CNTLN: variants seen among roughly 807,000 people sequenced by gnomAD.
CNTLN encodes the protein centlein, also known as centlein, centrosomal protein.
A neutral mutation model predicts 180.0 loss-of-function variants in CNTLN; 212 were observed. The ratio of observed to expected loss-of-function variants is 1.18; its 90% CI spans 1.05 to 1.32. The LOEUF is 1.32. Among genes scored for constraint, CNTLN ranks in the 40% most tolerant of loss-of-function variants. CNTLN has a pLI of 0.00. For missense variants in CNTLN, 2,095 were observed against 1,610.9 expected, an observed-to-expected ratio of 1.30 and a Z score of -5.14; for synonymous variants, 722 against 563.1, an observed-to-expected ratio of 1.28 and a Z score of -3.99.
At chr9:17,381,587 A>G (rs1279785152) in intron 13 of CNTLN, among the ~76,000 whole-genome samples, 1 of 152,230 alleles carries the variant, frequency 6.6e-6, no homozygotes, top group Non-Finnish European at 1.5e-5. Flanking sequence ...AATCAGTGCC[A>G]CATAATTTAG....
chr9:17,420,935 T>G lies in CNTLN; in HGVS notation c.3114+4746T>G, dbSNP rs559243571. On this transcript the variant is annotated intron_variant, in intron 18 of 25. Coordinates refer to ENST00000380647, the MANE Select transcript of CNTLN (RefSeq NM_017738.4). ...TGATCAGAGAAAATGCTTGATACAATTTCAACTTATTTGCAATTTTTAAGA... is the reference window on the plus strand; with the variant it reads ...TGATCAGAGAAAATGCTTGATACAAGTTCAACTTATTTGCAATTTTTAAGA... 5.3e-5 allele frequency among the ~76,000 whole-genome samples: 8 copies of G among 152,338 alleles called. No homozygotes were observed. In the South Asian group the frequency reaches 1.7e-3, roughly 32 times the overall value.
At chr9:17,374,464 C>T (rs1208568262) in intron 13 of CNTLN, among the ~76,000 whole-genome samples, 1 of 152,136 alleles carries the variant, frequency 6.6e-6, no homozygotes, top group Non-Finnish European at 1.5e-5. Flanking sequence ...CAGGCAATAA[C>T]AAATGCTGGG....
At chr9:17,449,877 G>C (rs1450789430) in intron 18 of CNTLN, among the ~76,000 whole-genome samples, 1 of 152,180 alleles carries the variant, frequency 6.6e-6, no homozygotes, top group African/African-American at 2.4e-5. Context: ...CTTGTTAAAT[G>C]TTTTGAGTAT....
intron 12 of CNTLN, among the ~76,000 whole-genome samples, chr9:17,345,072 T>C (rs565727166): frequency 1.1e-4 from 16 of 152,340 alleles, no homozygotes; most frequent in African/African-American, 3.8e-4. Flanking sequence ...TTTTTATTGC[T>C]AAATGATATT....
intron 18 of CNTLN, among the ~76,000 whole-genome samples, chr9:17,438,962 T>G (rs1249841683): frequency 6.6e-6 from 1 of 152,162 alleles, no homozygotes; most frequent in African/African-American, 2.4e-5. Context: ...ATGGTTAAAG[T>G]ATATCAAGAA....
At chr9:17,340,371 C>G (rs546545806) in intron 10 of CNTLN, among the ~76,000 whole-genome samples, 1 of 152,016 alleles carries the variant, frequency 6.6e-6, no homozygotes, top group Non-Finnish European at 1.5e-5. Flanking sequence ...ATCCTTGTGC[C>G]TTAGTAAATA....
chr9:17,160,725 A>G (rs1023095403), intron 2 of CNTLN, among the ~76,000 whole-genome samples: 1 of 152,208 alleles, frequency 6.6e-6, no homozygotes, highest in African/African-American at 2.4e-5. Flanking sequence ...AGTTAAAGGT[A>G]GCCAATGAAA....
intron 18 of CNTLN, among the ~76,000 whole-genome samples, chr9:17,438,944 G>A (rs1021283592): frequency 6.6e-6 from 1 of 152,180 alleles, no homozygotes; most frequent in Non-Finnish European, 1.5e-5. Flanking sequence ...GAGAATCTTA[G>A]AAGCCAAATG....
chr9:17,218,360 C>T (rs997193950), intron 2 of CNTLN, among the ~76,000 whole-genome samples: 9 of 151,810 alleles, frequency 5.9e-5, no homozygotes, highest in African/African-American at 2.2e-4. Flanking sequence ...TAAATATTTG[C>T]TTTTACTGTG....
chr9:17,205,000 C>T (rs1036704164), intron 2 of CNTLN, among the ~76,000 whole-genome samples: 1 of 152,106 alleles, frequency 6.6e-6, no homozygotes, highest in African/African-American at 2.4e-5. Flanking sequence ...GAAAAACAGC[C>T]TAGGAAAGCC....
chr9:17,282,098 G>A (rs1587477111), intron 6 of CNTLN, among the ~76,000 whole-genome samples: 1 of 152,124 alleles, frequency 6.6e-6, no homozygotes, highest in South Asian at 2.1e-4. Context: ...GAGTAGCTGG[G>A]ACTACAGGTG....
At chr9:17,421,752 G>A (rs771446697) in intron 18 of CNTLN, among the ~76,000 whole-genome samples, 21 of 152,016 alleles carry the variant, frequency 1.4e-4, no homozygotes, top group Admixed American at 3.3e-4. Context: ...ATGATTTCAG[G>A]TTACCATGAG....
rs539910227 is a variant in CNTLN at position 17,135,267 on chromosome 9, G to A, written c.202G>A (p.Gly68Arg). 29 of 1,601,802 alleles carry A rather than the reference G, an allele frequency of 1.8e-5. No individual in the cohort carries two copies. The African/African-American group carries it at 3.7e-4, about 21-fold the overall frequency. Residue 68 changes from glycine to arginine, a missense_variant, in exon 1 of 26, where the codon GGG becomes AGG. Transcript: ENST00000380647. The stretch of plus-strand genomic sequence containing the variant: ...TGAAGAAGGGTCAGGGGGCCGGCGA[G>A]GGCCTGGGGGGGCAGCTCCGGCTCA... Reference protein sequence around the residue: ...VGEEGSGGRRGPGGAAPAHAP... With the variant: ...VGEEGSGGRRRPGGAAPAHAP...
At chr9:17,419,860 T>C (rs571445831) in intron 18 of CNTLN, among the ~76,000 whole-genome samples, 1 of 152,360 alleles carries the variant, frequency 6.6e-6, no homozygotes, top group Admixed American at 6.5e-5. Context: ...TAAAAAATTG[T>C]TGCATACATA....
At chr9:17,443,786 C>G (rs140772998) in intron 18 of CNTLN, among the ~76,000 whole-genome samples, 79 of 152,148 alleles carry the variant, frequency 5.2e-4, no homozygotes, top group African/African-American at 1.9e-3. Flanking sequence ...ATCTTTGCAG[C>G]AAGATCTTAA....
At chr9:17,160,704 T>G (rs1315305230) in intron 2 of CNTLN, among the ~76,000 whole-genome samples, 2 of 152,214 alleles carry the variant, frequency 1.3e-5, no homozygotes, top group African/African-American at 4.8e-5. Context: ...GAAAATAATT[T>G]GTAAAATTCA....
chr9:17,494,182 A>C (rs1833319359), intron 25 of CNTLN, among the ~76,000 whole-genome samples: 1 of 152,130 alleles, frequency 6.6e-6, no homozygotes, highest in Non-Finnish European at 1.5e-5. Flanking sequence ...ATGTTTAATT[A>C]TTTTTAATTT....
intron 2 of CNTLN, among the ~76,000 whole-genome samples, chr9:17,179,243 C>CAA (rs775986829): frequency 2.9e-4 from 18 of 62,132 alleles, no homozygotes; most frequent in South Asian, 5.1e-4. Flanking sequence ...GACTCCGTCT[C>CAA]AAAAAAAAAA....
chr9:17,491,624 T>C (rs1191783593), intron 25 of CNTLN, among the ~76,000 whole-genome samples: 1 of 152,068 alleles, frequency 6.6e-6, no homozygotes, highest in African/African-American at 2.4e-5. Context: ...TAGTCCACTT[T>C]GTATAGATCA....
Sources: allele counts gnomAD v4.1 joint callset (sites outside exome capture counted in the v4.1 genomes callset), GRCh38; gene constraint gnomAD v4.1.1; transcripts MANE v1.5; gene names NCBI Gene and HGNC (gene_info 2026-07-23, HGNC 2026-07-21).